TBX18: variants seen among roughly 807,000 people sequenced by gnomAD.
The protein encoded by TBX18 is T-box transcription factor 18.
Under a neutral mutation model 55.0 loss-of-function variants are expected in TBX18, and 21 were observed. That is an observed-to-expected ratio of 0.38 (90% confidence interval 0.27 to 0.55). The LOEUF (loss-of-function observed/expected upper bound fraction) is 0.55. TBX18 is among the 20% of genes least tolerant of loss of function. The pLI is 0.73. For missense variants in TBX18, 840 were observed against 799.6 expected (o/e 1.05, Z -0.61); for synonymous variants, 342 against 326.1 (o/e 1.05, Z -0.53).
chr6:84,738,367 G>T, intron 7 of TBX18, 130 bp downstream of exon 7: 3 of 775,134 alleles, frequency 3.9e-6, no homozygotes, highest in Non-Finnish European at 6.8e-6. Context: ...GAAGACAGAT[G>T]GAATCTGTAG....
chr6:84,756,984 C>T (rs1767509008), intron 3 of TBX18, 115 bp from the exon 4 acceptor site: 1 of 1,012,870 alleles, frequency 9.9e-7, no homozygotes, highest in South Asian at 1.8e-5. Flanking sequence ...AAATCAATTT[C>T]CTCTTTACAC....
chr6:84,763,659 G>T (rs1767722942), intron 1 of TBX18, among the ~76,000 whole-genome samples: 1 of 152,130 alleles, frequency 6.6e-6, no homozygotes, highest in African/African-American at 2.4e-5. Flanking sequence ...GGCCGAAGGC[G>T]CGGGTCGCCG....
chr6:84,761,614 C>T (rs933474794), intron 2 of TBX18, among the ~76,000 whole-genome samples: 40 of 151,964 alleles, frequency 2.6e-4, no homozygotes, highest in Admixed American at 2.0e-3. Flanking sequence ...ATGTGTACTC[C>T]CTGAAAGAGT....
In TBX18 at chr6:84,738,567, T is replaced by G. The variant is rs1367873324; in HGVS notation, c.1029A>C (p.Glu343Asp). 6.2e-7 allele frequency: 1 copy of G among 1,613,980 alleles called. No individual in the cohort carries two copies. Among genetic ancestry groups the G allele is most frequent in the East Asian group, 2.2e-5 (1 of 44,870 alleles). The change falls in exon 7 of 8, where the codon GAA (glutamate) becomes GAC (aspartate). Residue 343 changes from glutamate (E) to aspartate (D), a missense_variant. Physicochemically the swap from Glu to Asp is conservative, Grantham distance 45. Transcript: ENST00000369663. ...GTGATGGTCGCCAGAATGCATATGA[T>G]TCCACCAAGGCTTCCAAACCCATTC... Reference protein sequence around the residue: ...RNRMGLEALVESYAFWRPSLR... With the variant: ...RNRMGLEALVDSYAFWRPSLR...
Position 84,733,199 on chromosome 6 carries a change from AT to A in TBX18, c.*3485del, listed in dbSNP as rs1270502386. 3.9e-5 allele frequency: 6 copies of A among 152,326 alleles called. No individual in the cohort carries two copies. The highest frequency in any genetic ancestry group is 8.8e-5 in the Non-Finnish European group (6 of 68,020). 9.4% of individuals were successfully genotyped at this position (152,326 alleles called of 1,614,324 possible). A position where few individuals can be genotyped will look rare whatever the true frequency, so the allele number is the denominator to read the frequency against. On this transcript the variant is annotated 3_prime_UTR_variant, in exon 8 of 8. Coordinates refer to ENST00000369663, the MANE Select transcript of TBX18 (RefSeq NM_001080508.3). ...CTGTTGAATGTTTGTATACTTGAAT[AT>A]ATTTGTCGATTTCTAGCACTGATAA...
chr6:84,740,110 G>T (rs770480436), intron 6 of TBX18, among the ~76,000 whole-genome samples: 4 of 152,142 alleles, frequency 2.6e-5, no homozygotes, highest in Admixed American at 6.5e-5. Context: ...GCACTTCAAA[G>T]AGATGTCTGC....
At chr6:84,760,480 C>G (rs1767620150) in intron 2 of TBX18, 124 bp from the exon 3 acceptor site, 1 of 579,550 alleles carries the variant, frequency 1.7e-6, no homozygotes, top group South Asian at 2.8e-5. Flanking sequence ...ATAGTATTCA[C>G]TTTGCCAATG....
intron 1 of TBX18, chr6:84,763,299 T>C: frequency 2.3e-6 from 1 of 441,934 alleles, no homozygotes; most frequent in South Asian, 1.6e-5. Flanking sequence ...AGACCCCGCT[T>C]TCGCCAAACT....
intron 7 of TBX18, among the ~76,000 whole-genome samples, chr6:84,737,889 T>C (rs1009278573): frequency 1.3e-5 from 2 of 152,184 alleles, no homozygotes; most frequent in Admixed American, 6.5e-5. Flanking sequence ...AAACCCAGCA[T>C]AGCAAATTCT....
At chr6:84,761,883 A>AAAAT (rs1293131462) in intron 2 of TBX18, among the ~76,000 whole-genome samples, 15 of 152,202 alleles carry the variant, frequency 9.9e-5, no homozygotes, top group Admixed American at 2.6e-4. Context: ...ATTTAGGACA[A>AAAAT]AAATAAATAA....
At chr6:84,747,128 G>A (rs1177690442) in intron 5 of TBX18, among the ~76,000 whole-genome samples, 3 of 151,300 alleles carry the variant, frequency 2.0e-5, no homozygotes, top group Non-Finnish European at 4.4e-5. Context: ...TAATTGAAAT[G>A]TATATAAATG....
At position 84,737,002 on chromosome 6, in the gene TBX18, G is replaced by A; in HGVS notation, c.1507C>T (p.Pro503Ser). Residue 503 changes from proline to serine, a missense_variant, in exon 8 of 8, where the codon CCC (proline) becomes TCC (serine). By Grantham distance (74) the Pro-to-Ser change is moderately conservative. Transcript: ENST00000369663. ...SPQLQYIMPS[P>S]SSNAFATNQT... ...TTAGTGGCGAAGGCATTGCTGGAGG[G>A]TGATGGCATGATATACTGGAGCTGG... 4 of 1,613,400 alleles carry A rather than the reference G, an allele frequency of 2.5e-6. No homozygotes were observed. The South Asian group carries it at 3.3e-5, about 13-fold the overall frequency.
In TBX18 at chr6:84,762,701, G is replaced by C. The variant is rs764461784; in HGVS notation, c.340C>G (p.Pro114Ala). 2.7e-5 allele frequency: 43 copies of C among 1,610,986 alleles called. No homozygotes were observed. Among genetic ancestry groups the C allele is most frequent in the Non-Finnish European group, 3.3e-5 (39 of 1,179,224 alleles). ...FQQGASPLAS[P>A]GGSPKGSPAR... ...GGAGACCCCTTGGGGGAGCCTCCCG[G>C]TGACGCCAGAGGGGAAGCTCCCTGC... The change falls in exon 2 of 8, where the codon CCG becomes GCG. Residue 114 changes from proline (P) to alanine (A), a missense_variant. By Grantham distance (27) the Pro-to-Ala change is conservative. Coordinates refer to ENST00000369663, the MANE Select transcript of TBX18 (RefSeq NM_001080508.3).
intron 1 of TBX18, chr6:84,763,245 C>T (rs540833700): frequency 8.8e-5 from 33 of 373,634 alleles, no homozygotes; most frequent in South Asian, 6.5e-4. Context: ...TCGCTTTGGG[C>T]CTTCTTTTGG....
intron 7 of TBX18, 86 bp from the exon 8 acceptor site, chr6:84,737,495 T>C (rs1766913581): frequency 2.1e-6 from 3 of 1,412,806 alleles, no homozygotes; most frequent in African/African-American, 1.4e-5. Context: ...CACAGCTTGT[T>C]ACAAGGCAAG....
At position 84,764,313 on chromosome 6, in the gene TBX18, G is replaced by T; in HGVS notation, c.-132C>A. 2.4e-6 allele frequency: 3 copies of T among 1,241,674 alleles called. No individual in the cohort carries two copies. The highest frequency in any genetic ancestry group is 2.0e-5 in the South Asian group (1 of 49,736). The allele number at this position is 1,241,674 out of a possible 1,614,324, so 76.9% of individuals were successfully genotyped here. ...CGAGATCTGCCCCCTTCCCCACCGC[G>T]GGCAAAAAACAGATTTGGCGTTTCC... On this transcript the variant is annotated 5_prime_UTR_variant, in exon 1 of 8. Coordinates refer to ENST00000369663, the MANE Select transcript of TBX18 (RefSeq NM_001080508.3).
In TBX18 at chr6:84,737,273, C is replaced by T. The variant is rs1455798195; in HGVS notation, c.1236G>A (p.Leu412=). 6.2e-7 allele frequency: 1 copy of T among 1,608,420 alleles called. No individual in the cohort carries two copies. Among genetic ancestry groups the T allele is most frequent in the African/African-American group, 1.3e-5 (1 of 74,868 alleles). The change falls in exon 8 of 8, where the codon CTG becomes CTA. Residue 412 remains leucine (L), a synonymous_variant. Transcript: ENST00000369663. The part of the protein sequence containing the change: ...LGPNTSQLCS[L]APADYSACAR... ...CACAGGCAGAATAGTCAGCAGGGGC[C>T]AGACTACACAGCTGGCTGGTGTTGG...
chr6:84,746,673 CAT>C (rs988729048), intron 5 of TBX18, among the ~76,000 whole-genome samples: 36 of 146,676 alleles, frequency 2.5e-4, no homozygotes, highest in African/African-American at 4.0e-4. Context: ...ACACATATTA[CAT>C]ATGTTATATA....
intron 6 of TBX18, chr6:84,742,300 T>G (rs1364841177): frequency 6.6e-6 from 1 of 152,134 alleles, no homozygotes; most frequent in Non-Finnish European, 1.5e-5. Flanking sequence ...GCACCATGGA[T>G]GTCAGGCTTA....
Sources: gnomAD v4.1 joint callset for allele counts (sites outside exome capture counted in the v4.1 genomes callset) on GRCh38, gnomAD v4.1.1 for gene constraint, MANE v1.5 for transcripts, NCBI Gene and HGNC (gene_info 2026-07-23, HGNC 2026-07-21) for gene names.